Variants in EXOC4 observed in about 807,000 individuals in gnomAD.
EXOC4 encodes the protein exocyst complex component 4.
A neutral mutation model predicts 107.2 loss-of-function variants in EXOC4; 71 were observed. That is an observed-to-expected ratio of 0.66 (90% CI 0.55 to 0.81). EXOC4 has a LOEUF of 0.81. Ranked by LOEUF, EXOC4 falls within the 30% of genes least tolerant of loss-of-function variation. The probability of loss-of-function intolerance (pLI) is 0.00; values close to 1 mark genes in which losing one functional copy is unlikely to be tolerated. For synonymous variants in EXOC4, 456 were observed against 441.2 expected, an observed-to-expected ratio of 1.03 and a Z score of -0.42; for missense variants, 1,108 against 1,189.6, an observed-to-expected ratio of 0.93 and a Z score of 1.01.
chr7:133,359,498 T>C (rs1796093588), intron 6 of EXOC4, among the ~76,000 whole-genome samples: 2 of 152,186 alleles, frequency 1.3e-5, no homozygotes, highest in African/African-American at 4.8e-5. Context: ...AATTTATTTT[T>C]TTAAAGAAAG....
At chr7:133,706,029 A>T (rs895907258) in intron 10 of EXOC4, among the ~76,000 whole-genome samples, 1 of 152,220 alleles carries the variant, frequency 6.6e-6, no homozygotes, top group Non-Finnish European at 1.5e-5. Context: ...TAGCAGTTCC[A>T]GTGCAGTTAT....
chr7:133,361,242 T>C (rs1015585899), intron 6 of EXOC4, among the ~76,000 whole-genome samples: 7 of 152,182 alleles, frequency 4.6e-5, no homozygotes, highest in Non-Finnish European at 8.8e-5. Flanking sequence ...ATTCTTGATA[T>C]GCCATTTTCA....
At chr7:133,861,023 A>G (rs1413675563) in intron 11 of EXOC4, among the ~76,000 whole-genome samples, 1 of 152,182 alleles carries the variant, frequency 6.6e-6, no homozygotes, top group Non-Finnish European at 1.5e-5. Context: ...AAAGATATCC[A>G]AATACTACTG....
At chr7:133,662,445 T>C (rs1793715052) in intron 10 of EXOC4, among the ~76,000 whole-genome samples, 1 of 152,172 alleles carries the variant, frequency 6.6e-6, no homozygotes, top group Admixed American at 6.5e-5. Context: ...AGAGATTATG[T>C]GTCTTTAGGG....
chr7:133,425,074 A>G (rs1385657137), intron 7 of EXOC4, among the ~76,000 whole-genome samples: 1 of 150,028 alleles, frequency 6.7e-6, no homozygotes, highest in Admixed American at 6.6e-5. Context: ...CATGGACTCC[A>G]TGAACTGCAG....
At chr7:133,513,579 CTT>C (rs1799815684) in intron 9 of EXOC4, among the ~76,000 whole-genome samples, 1 of 152,116 alleles carries the variant, frequency 6.6e-6, no homozygotes. Flanking sequence ...AGTATCCTGT[CTT>C]TTTGTGTTCT....
chr7:133,386,414 A>C (rs892982794), intron 7 of EXOC4, among the ~76,000 whole-genome samples: 3 of 152,056 alleles, frequency 2.0e-5, no homozygotes, highest in Non-Finnish European at 4.4e-5. Context: ...TCTTGCTTTT[A>C]TGAAGTGGCT....
intron 10 of EXOC4, among the ~76,000 whole-genome samples, chr7:133,696,507 A>G (rs1794536051): frequency 1.3e-5 from 2 of 152,200 alleles, no homozygotes. Flanking sequence ...TCTGGTCCCC[A>G]ATCTGCATAT....
At chr7:133,507,976 C>G (rs534533022) in intron 9 of EXOC4, among the ~76,000 whole-genome samples, 1 of 152,192 alleles carries the variant, frequency 6.6e-6, no homozygotes, top group South Asian at 2.1e-4. Context: ...AGGAGAATCA[C>G]TTGAACCTGG....
At chr7:133,673,675 C>G (rs780250188) in intron 10 of EXOC4, among the ~76,000 whole-genome samples, 1 of 152,188 alleles carries the variant, frequency 6.6e-6, no homozygotes, top group Non-Finnish European at 1.5e-5. Context: ...TGAGCTATTA[C>G]GTTAGCATAG....
chr7:134,023,511 A>G (rs1231129695), intron 17 of EXOC4, among the ~76,000 whole-genome samples: 1 of 152,168 alleles, frequency 6.6e-6, no homozygotes, highest in Non-Finnish European at 1.5e-5. Context: ...ATTTACACAC[A>G]TTGTCTTATT....
intron 4 of EXOC4, among the ~76,000 whole-genome samples, chr7:133,312,200 G>T (rs1391422199): frequency 1.3e-5 from 2 of 152,130 alleles, no homozygotes; most frequent in African/African-American, 4.8e-5. Context: ...TGTAATTACA[G>T]AATTTCAGTG....
intron 7 of EXOC4, among the ~76,000 whole-genome samples, chr7:133,386,053 A>G (rs1251023839): frequency 6.6e-6 from 1 of 151,980 alleles, no homozygotes; most frequent in African/African-American, 2.4e-5. Flanking sequence ...TTACATTGAC[A>G]GATATAATTA....
intron 9 of EXOC4, among the ~76,000 whole-genome samples, chr7:133,590,101 C>T (rs1400463931): frequency 2.6e-5 from 4 of 151,946 alleles, no homozygotes; most frequent in Non-Finnish European, 4.4e-5. Flanking sequence ...CCTGGCTCCT[C>T]TCCTTGTCTA....
intron 13 of EXOC4, among the ~76,000 whole-genome samples, chr7:133,932,341 G>A (rs183270983): frequency 1.3e-5 from 2 of 152,274 alleles, no homozygotes; most frequent in East Asian, 3.9e-4. Context: ...AACTATTTTG[G>A]ACAGGAGTAG....
At chr7:133,675,459 AT>A (rs2151062015) in intron 10 of EXOC4, among the ~76,000 whole-genome samples, 1 of 152,278 alleles carries the variant, frequency 6.6e-6, no homozygotes, top group Non-Finnish European at 1.5e-5. Context: ...GCTTTTGTAG[AT>A]ATTTGTTCCT....
chr7:133,508,915 T>C (rs1196815700), intron 9 of EXOC4, among the ~76,000 whole-genome samples: 1 of 152,212 alleles, frequency 6.6e-6, no homozygotes, highest in Non-Finnish European at 1.5e-5. Flanking sequence ...GCTACATGTT[T>C]TGTTGTACGT....
intron 10 of EXOC4, among the ~76,000 whole-genome samples, chr7:133,709,702 C>T (rs987353520): frequency 2.1e-5 from 3 of 141,868 alleles, no homozygotes; most frequent in Non-Finnish European, 1.5e-5. Context: ...GTCGTGAAGA[C>T]TCTGTGGCTT....
intron 14 of EXOC4, 105 bp downstream of exon 14, chr7:133,938,174 C>T: frequency 9.0e-7 from 1 of 1,116,088 alleles, no homozygotes; most frequent in South Asian, 1.6e-5. Context: ...GGGGCGTGTC[C>T]CAAGCTGTCA....
Sources: gnomAD v4.1 joint callset for allele counts (sites outside exome capture counted in the v4.1 genomes callset) on GRCh38, gnomAD v4.1.1 for gene constraint, MANE v1.5 for transcripts, NCBI Gene and HGNC (gene_info 2026-07-23, HGNC 2026-07-21) for gene names.